DIAPH3: variants seen among roughly 807,000 people sequenced by gnomAD.
DIAPH3 encodes diaphanous related formin 3, also known as protein diaphanous homolog 3.
Under a neutral mutation model 144.3 loss-of-function variants are expected in DIAPH3, and 117 were observed. The ratio of observed to expected loss-of-function variants is 0.81; its 90% CI spans 0.70 to 0.95. The LOEUF is 0.95. DIAPH3 is among the 40% of genes least tolerant of loss of function. The pLI is 0.00. For synonymous variants in DIAPH3, 519 were observed against 488.9 expected (o/e 1.06, Z -0.81); for missense variants, 1,421 against 1,412.7 (o/e 1.01, Z -0.09).
At chr13:60,009,273 GC>G (rs2053087683) in intron 8 of DIAPH3, among the ~76,000 whole-genome samples, 1 of 152,182 alleles carries the variant, frequency 6.6e-6, no homozygotes, top group African/African-American at 2.4e-5. Context: ...CACTGGAGAA[GC>G]TCACAGTTCG....
chr13:59,894,572 G>GCC (rs796995456), intron 20 of DIAPH3, among the ~76,000 whole-genome samples: 3 of 93,698 alleles, frequency 3.2e-5, no homozygotes, highest in African/African-American at 1.3e-4. Flanking sequence ...AGTCTCCCCT[G>GCC]CCCCCCCACC....
At chr13:59,743,802 G>A (rs977876527) in intron 27 of DIAPH3, among the ~76,000 whole-genome samples, 1 of 151,958 alleles carries the variant, frequency 6.6e-6, no homozygotes, top group African/African-American at 2.4e-5. Context: ...ACATTTAAAT[G>A]CAGCTGGAAA....
intron 25 of DIAPH3, among the ~76,000 whole-genome samples, chr13:59,804,822 A>G (rs2040111636): frequency 1.3e-5 from 2 of 152,278 alleles, no homozygotes; most frequent in East Asian, 1.9e-4. Flanking sequence ...GTTTTATGAT[A>G]TCTGTAGAAG....
chr13:59,790,338 T>G (rs1404521042), intron 25 of DIAPH3, among the ~76,000 whole-genome samples: 1 of 152,216 alleles, frequency 6.6e-6, no homozygotes. Context: ...CAGAACCATA[T>G]AGATATCACA....
chr13:59,986,803 A>C (rs2051416967), intron 12 of DIAPH3, among the ~76,000 whole-genome samples: 1 of 150,340 alleles, frequency 6.7e-6, no homozygotes, highest in African/African-American at 2.4e-5. Context: ...TAGAATGGCA[A>C]TCATTAAAAA....
intron 24 of DIAPH3, among the ~76,000 whole-genome samples, chr13:59,820,158 T>C (rs1036139419): frequency 6.6e-6 from 1 of 152,016 alleles, no homozygotes; most frequent in African/African-American, 2.4e-5. Flanking sequence ...ATATCAATTA[T>C]ATATGCTTCC....
chr13:59,825,383 T>A (rs2041340709), intron 24 of DIAPH3, among the ~76,000 whole-genome samples: 1 of 152,212 alleles, frequency 6.6e-6, no homozygotes, highest in African/African-American at 2.4e-5. Flanking sequence ...TTTTTATGGC[T>A]GCATAGTATT....
chr13:59,733,968 C>T (rs1247439146), intron 27 of DIAPH3, among the ~76,000 whole-genome samples: 5 of 152,204 alleles, frequency 3.3e-5, no homozygotes, highest in Admixed American at 1.3e-4. Flanking sequence ...ACACACCCTA[C>T]GCATTCCCAG....
chr13:60,071,748 T>C (rs1411398829), intron 4 of DIAPH3, among the ~76,000 whole-genome samples: 1 of 152,236 alleles, frequency 6.6e-6, no homozygotes, highest in Non-Finnish European at 1.5e-5. Context: ...AGTTTTCTTC[T>C]ATCTATACTT....
intron 27 of DIAPH3, chr13:59,696,332 A>C (rs1268921713): frequency 2.6e-5 from 4 of 152,236 alleles, no homozygotes. Flanking sequence ...TAGAATATAA[A>C]ATTTAGAGCA....
chr13:60,103,987 C>A (rs1323326882), intron 3 of DIAPH3, among the ~76,000 whole-genome samples: 1 of 152,126 alleles, frequency 6.6e-6, no homozygotes, highest in Non-Finnish European at 1.5e-5. Context: ...CAGAAGATTT[C>A]ATGACCTCAT....
At chr13:60,118,660 T>C (rs1227054999) in intron 2 of DIAPH3, among the ~76,000 whole-genome samples, 2 of 152,218 alleles carry the variant, frequency 1.3e-5, no homozygotes, top group Non-Finnish European at 2.9e-5. Flanking sequence ...TTATTACTAA[T>C]CTGGGAACTT....
intron 17 of DIAPH3, among the ~76,000 whole-genome samples, chr13:59,929,327 T>C (rs2047901600): frequency 6.6e-6 from 1 of 152,112 alleles, no homozygotes; most frequent in Admixed American, 6.6e-5. Context: ...TATTTCTGTG[T>C]CATTTTATAT....
chr13:60,073,526 A>G (rs796216418), intron 4 of DIAPH3, among the ~76,000 whole-genome samples: 11 of 152,324 alleles, frequency 7.2e-5, no homozygotes, highest in African/African-American at 2.6e-4. Flanking sequence ...CAATACATAA[A>G]TTCTTCAAAT....
At chr13:59,987,752 T>C (rs339529) in intron 12 of DIAPH3, among the ~76,000 whole-genome samples, 83,531 of 150,202 alleles carry the variant, frequency 0.56, 23,753 homozygotes, top group Admixed American at 0.61. Flanking sequence ...AAAAATGATG[T>C]CACTCATCAT....
intron 23 of DIAPH3, among the ~76,000 whole-genome samples, chr13:59,835,894 C>T (rs1048562610): frequency 6.6e-6 from 1 of 151,690 alleles, no homozygotes; most frequent in Non-Finnish European, 1.5e-5. Flanking sequence ...ATCTTTCTCT[C>T]AATGAATTTA....
At chr13:60,075,683 G>A (rs910907632) in intron 4 of DIAPH3, among the ~76,000 whole-genome samples, 6 of 152,070 alleles carry the variant, frequency 3.9e-5, no homozygotes, top group Non-Finnish European at 8.8e-5. Context: ...AGTGATGAAC[G>A]GGGCTGCAGA....
chr13:59,672,736 G>A (rs940378469), intron 27 of DIAPH3, among the ~76,000 whole-genome samples: 4 of 152,070 alleles, frequency 2.6e-5, no homozygotes, highest in Non-Finnish European at 4.4e-5. Flanking sequence ...TCATTTCGCT[G>A]TTTATCTTAT....
rs374358236 is a variant in DIAPH3, at chr13:59,714,338, C to A, written c.3320-47492G>T. Among the ~76,000 whole-genome samples, 17 of 127,976 alleles carry A rather than the reference C, an allele frequency of 1.3e-4. No individual in the cohort carries two copies. In the East Asian group the frequency reaches 2.0e-3, roughly 15 times the overall value. 84.0% of individuals were successfully genotyped at this position (127,976 alleles called of 152,430 possible). On this transcript the variant is annotated intron_variant, in intron 27 of 27. Coordinates refer to ENST00000400324, the MANE Select transcript of DIAPH3 (RefSeq NM_001042517.2). ...TCCCGCCACTGCACTCCAGCCTGGG[C>A]GACAGAGCGAGACTCCGTCTCAAAA...
Sources: gnomAD v4.1 joint callset for allele counts (sites outside exome capture counted in the v4.1 genomes callset) on GRCh38, gnomAD v4.1.1 for gene constraint, MANE v1.5 for transcripts, NCBI Gene and HGNC (gene_info 2026-07-23, HGNC 2026-07-21) for gene names.